Variants in SAMMSON observed in about 807,000 individuals in gnomAD.
The protein encoded by SAMMSON is long intergenic non-protein coding RNA 1212.
At chr3:70,156,043 G>T (rs13066473) in intron 4 of SAMMSON, among the ~76,000 whole-genome samples, 1 of 151,758 alleles carries the variant, frequency 6.6e-6, no homozygotes, top group African/African-American at 2.4e-5. Flanking sequence ...AGCTTTATGT[G>T]TTGGAGCCAA....
At chr3:70,418,978 C>T (rs201184415) in intron 2 of SAMMSON, among the ~76,000 whole-genome samples, 609 of 56,540 alleles carry the variant, frequency 0.011, 4 homozygotes, top group African/African-American at 0.039. Context: ...TCCTTCCTTC[C>T]TTCTCTCTCT....
At chr3:70,058,503 G>C (rs1248946548) in intron 3 of SAMMSON, among the ~76,000 whole-genome samples, 1 of 152,066 alleles carries the variant, frequency 6.6e-6, no homozygotes, top group Non-Finnish European at 1.5e-5. Flanking sequence ...GAAGTATAAT[G>C]TATGTCCTGG....
intron 6 of SAMMSON, among the ~76,000 whole-genome samples, chr3:70,277,833 G>A (rs1479811162): frequency 3.3e-5 from 5 of 152,112 alleles, no homozygotes; most frequent in African/African-American, 1.2e-4. Flanking sequence ...TATGTGCCAG[G>A]TACAGGAGAC....
chr3:70,402,615 A>C (rs1262557087), intron 2 of SAMMSON, among the ~76,000 whole-genome samples: 4 of 152,184 alleles, frequency 2.6e-5, no homozygotes, highest in Non-Finnish European at 4.4e-5. Context: ...TAATCCCAAC[A>C]CTTTAGGAGG....
chr3:70,319,469 A>G (rs1330264426), intron 7 of SAMMSON, among the ~76,000 whole-genome samples: 1 of 152,088 alleles, frequency 6.6e-6, no homozygotes, highest in African/African-American at 2.4e-5. Context: ...CAAAAGCAGA[A>G]GAAATTTTTG....
At chr3:70,101,065 A>T (rs1254947061) in intron 4 of SAMMSON, among the ~76,000 whole-genome samples, 1 of 152,178 alleles carries the variant, frequency 6.6e-6, no homozygotes. Context: ...CTGGTGGATT[A>T]TTATGGTTTA....
intron 6 of SAMMSON, among the ~76,000 whole-genome samples, chr3:70,275,649 C>G (rs1158977080): frequency 6.6e-6 from 1 of 152,208 alleles, no homozygotes; most frequent in Non-Finnish European, 1.5e-5. Context: ...ACTCAACCTC[C>G]CACGCCTCAG....
At chr3:70,153,059 G>A (rs945981129) in intron 4 of SAMMSON, among the ~76,000 whole-genome samples, 1 of 151,882 alleles carries the variant, frequency 6.6e-6, no homozygotes, top group Non-Finnish European at 1.5e-5. Flanking sequence ...AGGAATTGCA[G>A]AGCCAACACA....
intron 4 of SAMMSON, among the ~76,000 whole-genome samples, chr3:70,136,033 A>G (rs2067504570): frequency 6.6e-6 from 1 of 152,048 alleles, no homozygotes; most frequent in Non-Finnish European, 1.5e-5. Flanking sequence ...TTTCCCTGCA[A>G]TACATCTCCA....
chr3:70,285,880 C>T (rs868717084), intron 6 of SAMMSON, among the ~76,000 whole-genome samples: 75 of 151,784 alleles, frequency 4.9e-4, no homozygotes, highest in South Asian at 3.6e-3. Context: ...CTGTTCATGT[C>T]CTTCGCCCAC....
intron 7 of SAMMSON, among the ~76,000 whole-genome samples, chr3:70,317,175 A>C (rs1034158517): frequency 1.3e-5 from 2 of 151,996 alleles, no homozygotes; most frequent in African/African-American, 4.8e-5. Flanking sequence ...CACATGTTAT[A>C]ATCCCGCAAG....
intron 4 of SAMMSON, among the ~76,000 whole-genome samples, chr3:70,162,881 A>T (rs1436532601): frequency 6.6e-6 from 1 of 152,002 alleles, no homozygotes; most frequent in Non-Finnish European, 1.5e-5. Context: ...GTTTATCATT[A>T]TAAAATGTTC....
At chr3:70,252,606 C>T (rs11924710) in intron 6 of SAMMSON, among the ~76,000 whole-genome samples, 4,812 of 152,168 alleles carry the variant, frequency 0.032, 242 homozygotes, top group African/African-American at 0.11. Context: ...CCATGGTAAA[C>T]CGGAGAAGAT....
intron 7 of SAMMSON, among the ~76,000 whole-genome samples, chr3:70,344,505 C>T (rs1397097827): frequency 6.6e-6 from 1 of 152,212 alleles, no homozygotes; most frequent in Admixed American, 6.5e-5. Context: ...TTCAAGTCTG[C>T]ATGCAACCTG....
chr3:70,238,734 T>A (rs1701636989), intron 4 of SAMMSON, among the ~76,000 whole-genome samples: 1 of 152,056 alleles, frequency 6.6e-6, no homozygotes, highest in African/African-American at 2.4e-5. Flanking sequence ...TCCCCATATT[T>A]AGTTGCTCCT....
chr3:70,071,465 T>C (rs9818964), intron 3 of SAMMSON: 65,676 of 151,800 alleles, frequency 0.43, 14,740 homozygotes, highest in East Asian at 0.66. Context: ...TTTTTCTTTT[T>C]TTCTTTTTAG....
chr3:70,324,227 A>AAGAGAG (rs3050206), intron 7 of SAMMSON, among the ~76,000 whole-genome samples: 1 of 150,668 alleles, frequency 6.6e-6, no homozygotes, highest in Non-Finnish European at 1.5e-5. Context: ...CACACACAGA[A>AAGAGAG]AGAGAGAGAG....
chr3:70,224,115 T>G (rs1162514902), intron 4 of SAMMSON, among the ~76,000 whole-genome samples: 1 of 152,156 alleles, frequency 6.6e-6, no homozygotes, highest in Non-Finnish European at 1.5e-5. Context: ...TGTGTGTATC[T>G]TTATCACTAA....
downstream of SAMMSON, among the ~76,000 whole-genome samples, chr3:70,393,683 G>A (rs1461302109): frequency 3.3e-5 from 5 of 152,128 alleles, no homozygotes; most frequent in Non-Finnish European, 7.4e-5. Flanking sequence ...TTGAAGGATG[G>A]CAAGGAGTTG....
Sources: gnomAD v4.1 joint callset for allele counts (sites outside exome capture counted in the v4.1 genomes callset) on GRCh38, gnomAD v4.1.1 for gene constraint, MANE v1.5 for transcripts, NCBI Gene and HGNC (gene_info 2026-07-23, HGNC 2026-07-21) for gene names.